Variants in C5 observed in about 807,000 individuals in gnomAD.
C5 encodes the protein complement C5.
A neutral mutation model predicts 218.8 loss-of-function variants in C5; 140 were observed. The ratio of observed to expected loss-of-function variants is 0.64; its 90% CI spans 0.56 to 0.74. C5 has a LOEUF of 0.74. Among genes scored for constraint, C5 ranks in the 30% least tolerant of loss-of-function variants. C5 has a pLI of 0.00. For missense variants in C5, 1,700 were observed against 1,969.6 expected (o/e 0.86, Z 2.59); for synonymous variants, 614 against 682.3 (o/e 0.90, Z 1.56).
At chr9:120,999,097 T>C (rs550407737) in intron 20 of C5, among the ~76,000 whole-genome samples, 1 of 152,130 alleles carries the variant, frequency 6.6e-6, no homozygotes, top group South Asian at 2.1e-4. Flanking sequence ...TTCAGCATAA[T>C]TGCATTACAA....
At chr9:121,040,707 T>C (rs1445693115) in intron 3 of C5, among the ~76,000 whole-genome samples, 1 of 152,152 alleles carries the variant, frequency 6.6e-6, no homozygotes, top group African/African-American at 2.4e-5. Context: ...GTAAGTTGTA[T>C]TATTATCTCT....
intron 40 of C5, among the ~76,000 whole-genome samples, 156 bp from the exon 41 acceptor site, chr9:120,953,024 C>T (rs1183141613): frequency 1.3e-5 from 2 of 152,122 alleles, no homozygotes; most frequent in Non-Finnish European, 1.5e-5. Flanking sequence ...CTCGGGTTCA[C>T]GCCATTCTCC....
At chr9:121,037,302 G>GTTTTTTTTTTTTTTTTGT (rs201849062) in intron 4 of C5, among the ~76,000 whole-genome samples, 2 of 136,722 alleles carry the variant, frequency 1.5e-5, no homozygotes, top group Non-Finnish European at 1.6e-5. Flanking sequence ...TTGTTTTTTG[G>GTTTTTTTTTTTTTTTTGT]TTTTTTTTTT....
intron 16 of C5, 142 bp from the exon 17 acceptor site, chr9:121,014,212 C>T (rs1175752519): frequency 1.3e-6 from 1 of 743,706 alleles, no homozygotes; most frequent in Admixed American, 2.0e-5. Context: ...ACTGTCCAGA[C>T]TCCCCTTGGA....
chr9:121,055,598 T>C, the C5 span, among the ~76,000 whole-genome samples: 6 of 152,176 alleles, frequency 3.9e-5, no homozygotes, highest in Non-Finnish European at 7.4e-5. Flanking sequence ...CCAGGCTTTG[T>C]TCCTGGATAG....
the C5 span, among the ~76,000 whole-genome samples, chr9:121,073,367 T>C: frequency 2.6e-5 from 4 of 152,314 alleles, no homozygotes; most frequent in South Asian, 4.1e-4. Context: ...AACTCTTCTT[T>C]TGGGCGTAGA....
At chr9:121,052,181 G>A (rs142860253), upstream of C5, among the ~76,000 whole-genome samples, 3 of 152,210 alleles carry the variant, frequency 2.0e-5, no homozygotes, top group East Asian at 1.9e-4. Flanking sequence ...TTGAGGCTGG[G>A]CACGCTGGCT....
chr9:121,055,284 A>G, the C5 span, among the ~76,000 whole-genome samples: 1 of 152,124 alleles, frequency 6.6e-6, no homozygotes, highest in Non-Finnish European at 1.5e-5. Flanking sequence ...GGCTCAAAAT[A>G]TTCCACTCTG....
chr9:120,977,700 A>G (rs2046963660), intron 28 of C5, among the ~76,000 whole-genome samples: 1 of 152,208 alleles, frequency 6.6e-6, no homozygotes, highest in African/African-American at 2.4e-5. Flanking sequence ...GATTACAGGC[A>G]TAAGCCACTG....
upstream of C5, among the ~76,000 whole-genome samples, chr9:121,051,286 C>G (rs2047669512): frequency 6.6e-6 from 1 of 151,932 alleles, no homozygotes; most frequent in Non-Finnish European, 1.5e-5. Context: ...TCACATCCAG[C>G]TAATTTTTTG....
chr9:121,035,292 C>A (rs1310847346), intron 4 of C5, among the ~76,000 whole-genome samples: 1 of 152,142 alleles, frequency 6.6e-6, no homozygotes, highest in Non-Finnish European at 1.5e-5. Flanking sequence ...TATATATGTT[C>A]ATTTAAAGCT....
Position 121,032,180 on chromosome 9 carries a change from C to G in C5, c.600G>C (p.Thr200=), listed in dbSNP as rs369786622. The part of the protein sequence containing the change: ...IPSNPRYGMW[T]IKAKYKEDFS... ...AGTCCTCTTTATATTTAGCCTTGAT[C>G]GTCCACATACCATATCTGTGGAAGC... The change falls in exon 6 of 41, where the codon ACG becomes ACC. Residue 200 remains threonine (T), a synonymous_variant. Transcript: ENST00000223642. 1.4e-5 allele frequency: 22 copies of G among 1,600,848 alleles called. No individual in the cohort carries two copies. The highest frequency in any genetic ancestry group is 1.9e-5 in the Non-Finnish European group (22 of 1,168,196).
In C5 at chr9:121,030,440, C is replaced by T. The variant is rs369524514; in HGVS notation, c.715G>A (p.Gly239Ser). The T allele has an allele frequency of 2.6e-4, 402 of 1,543,240 alleles. 5 individuals carry two copies. Among genetic ancestry groups the T allele is most frequent in the Middle Eastern group, 1.7e-4 (1 of 5,976 alleles). Residue 239 changes from glycine to serine, a missense_variant, in exon 7 of 41, where the codon GGT (glycine) becomes AGT (serine). Physicochemically the swap from Gly to Ser is moderately conservative, Grantham distance 56. Coordinates refer to ENST00000223642, the MANE Select transcript of C5 (RefSeq NM_001735.3). ...TCAAAATTCTTAAAGTTCTTGTAAC[C>T]AATGAAATTATATTCTGGCTCGATT... ...VSIEPEYNFI[G>S]YKNFKNFEIT...
intron 17 of C5, among the ~76,000 whole-genome samples, chr9:121,010,762 G>A (rs897242740): frequency 1.3e-5 from 2 of 152,104 alleles, no homozygotes; most frequent in African/African-American, 2.4e-5. Context: ...AAACAGCATG[G>A]TAGTGGCATA....
chr9:121,028,747 AGTTAATAGGT>A (rs1216484363), intron 7 of C5, among the ~76,000 whole-genome samples: 1 of 152,200 alleles, frequency 6.6e-6, no homozygotes, highest in Non-Finnish European at 1.5e-5. Context: ...ATGTATGATG[AGTTAATAGGT>A]GCAGCAAACC....
chr9:120,969,369 T>A (rs1357960871), intron 32 of C5, among the ~76,000 whole-genome samples: 1 of 141,702 alleles, frequency 7.1e-6, no homozygotes, highest in Non-Finnish European at 1.5e-5. Context: ...GAAGAAATTA[T>A]TAAAGATAAA....
chr9:120,985,136 C>T (rs1234520546), intron 25 of C5, among the ~76,000 whole-genome samples: 1 of 152,164 alleles, frequency 6.6e-6, no homozygotes, highest in Non-Finnish European at 1.5e-5. Flanking sequence ...AAAGCAAATA[C>T]AATTCGCTCT....
chr9:121,039,266 G>T (rs1311279642), intron 3 of C5, among the ~76,000 whole-genome samples: 1 of 152,150 alleles, frequency 6.6e-6, no homozygotes, highest in Non-Finnish European at 1.5e-5. Context: ...CCCAGTTTGT[G>T]TTTAGGTTAG....
chr9:121,008,504 C>G lies in C5; in HGVS notation c.2258-6G>C. The G allele has an allele frequency of 6.3e-7, 1 of 1,593,536 alleles. No homozygotes were observed. Among genetic ancestry groups the G allele is most frequent in the Non-Finnish European group, 8.6e-7 (1 of 1,161,604 alleles). ...TGGTAACAGGGTCTTCATGTCTGGA[C>G]AAAAAAATCATATTCAATTATGGAA... On this transcript the variant is annotated splice_region_variant and splice_polypyrimidine_tract_variant and intron_variant, in intron 17 of 40. Coordinates refer to ENST00000223642, the MANE Select transcript of C5 (RefSeq NM_001735.3).
Sources: gnomAD v4.1 joint callset for allele counts (sites outside exome capture counted in the v4.1 genomes callset) on GRCh38, gnomAD v4.1.1 for gene constraint, MANE v1.5 for transcripts, NCBI Gene and HGNC (gene_info 2026-07-23, HGNC 2026-07-21) for gene names.